The following FARP1 variants were observed in gnomAD, a reference collection of about 807,000 sequenced individuals.
FARP1 encodes FERM, ARHGEF and pleckstrin domain-containing protein 1.
A neutral mutation model predicts 128.8 loss-of-function variants in FARP1; 52 were observed. The ratio of observed to expected loss-of-function variants is 0.40; its 90% CI spans 0.32 to 0.51. The LOEUF is 0.51. Among genes scored for constraint, FARP1 ranks in the 20% least tolerant of loss-of-function variants. FARP1 has a pLI of 0.45. For synonymous variants in FARP1, 580 were observed against 551.8 expected (o/e 1.05, Z -0.72); for missense variants, 1,333 against 1,367.9 (o/e 0.97, Z 0.40).
At chr13:98,335,962 G>A (rs534918371) in intron 2 of FARP1, among the ~76,000 whole-genome samples, 2 of 152,216 alleles carry the variant, frequency 1.3e-5, no homozygotes, top group Admixed American at 6.5e-5. Context: ...TTCCCAAAAC[G>A]GCTCTCTGTA....
At chr13:98,403,043 G>T (rs1890835080) in intron 13 of FARP1, 1 of 150,690 alleles carries the variant, frequency 6.6e-6, no homozygotes, top group Non-Finnish European at 1.5e-5. Flanking sequence ...CTCAAAGCAT[G>T]GTGTAGCTTC....
chr13:98,448,712 TGCA>T lies in FARP1; in HGVS notation c.*396_*398del, dbSNP rs1219029800. On this transcript the variant is annotated 3_prime_UTR_variant, in exon 27 of 27. Transcript: ENST00000319562. ...TTTATTATTTTCACCTATTGGCTGC[TGCA>T]TTTTACGAAGTGGACTTCCCGGTGT... The T allele has an allele frequency of 1.2e-5, 2 of 163,018 alleles. No homozygotes were observed. Among genetic ancestry groups the T allele is most frequent in the African/African-American group, 4.9e-5 (2 of 40,834 alleles). The allele number at this position is 163,018 out of a possible 1,614,324, so 10.1% of individuals were successfully genotyped here.
At chr13:98,184,013 A>T (rs189279118) in intron 1 of FARP1, among the ~76,000 whole-genome samples, 1 of 152,240 alleles carries the variant, frequency 6.6e-6, no homozygotes, top group Non-Finnish European at 1.5e-5. Flanking sequence ...AATGACATCC[A>T]CATGGTTTCT....
intron 2 of FARP1, among the ~76,000 whole-genome samples, chr13:98,215,488 A>G (rs1446392371): frequency 6.6e-6 from 1 of 152,224 alleles, no homozygotes; most frequent in East Asian, 1.9e-4. Flanking sequence ...ACCTGTCTGT[A>G]TCGATAAAAT....
chr13:98,230,341 CAATCT>C (rs1882042501), intron 2 of FARP1, among the ~76,000 whole-genome samples: 1 of 152,192 alleles, frequency 6.6e-6, no homozygotes, highest in Non-Finnish European at 1.5e-5. Flanking sequence ...CACCCCAGTG[CAATCT>C]ATGTTTATTG....
intron 1 of FARP1, among the ~76,000 whole-genome samples, chr13:98,171,766 T>C (rs1220161436): frequency 6.6e-6 from 1 of 152,304 alleles, no homozygotes; most frequent in East Asian, 1.9e-4. Context: ...TAGTCTAATT[T>C]ATATGATTTG....
intron 24 of FARP1, among the ~76,000 whole-genome samples, chr13:98,443,300 GACC>G (rs976879928): frequency 2.0e-5 from 3 of 152,234 alleles, no homozygotes; most frequent in African/African-American, 4.8e-5. Flanking sequence ...AGGTGGCAGT[GACC>G]ACCTAGTACA....
intron 2 of FARP1, among the ~76,000 whole-genome samples, chr13:98,325,223 T>G (rs937054696): frequency 1.3e-5 from 2 of 151,758 alleles, no homozygotes; most frequent in Non-Finnish European, 2.9e-5. Context: ...AGCCTATCTT[T>G]CCATGAGTAT....
At chr13:98,288,586 T>C (rs1428483819) in intron 2 of FARP1, among the ~76,000 whole-genome samples, 1 of 152,216 alleles carries the variant, frequency 6.6e-6, no homozygotes, top group Non-Finnish European at 1.5e-5. Flanking sequence ...CTCCTTTAAA[T>C]AGATTCTGAG....
At chr13:98,407,552 C>T (rs1339101726) in intron 13 of FARP1, 1 of 151,946 alleles carries the variant, frequency 6.6e-6, no homozygotes, top group Non-Finnish European at 1.5e-5. Context: ...GTGATGGGGT[C>T]TTTGTCTAAC....
intron 2 of FARP1, among the ~76,000 whole-genome samples, chr13:98,220,110 G>C (rs566558194): frequency 2.9e-4 from 44 of 152,196 alleles, no homozygotes; most frequent in Admixed American, 4.6e-4. Flanking sequence ...GTCTTGAGGG[G>C]GCGGGGTCTA....
intron 1 of FARP1, among the ~76,000 whole-genome samples, chr13:98,201,435 C>T (rs553261377): frequency 2.3e-4 from 35 of 152,236 alleles, no homozygotes; most frequent in African/African-American, 3.9e-4. Context: ...GGTGACAGAG[C>T]GAGACCCTGC....
chr13:98,156,705 A>T (rs1251554348), intron 1 of FARP1, among the ~76,000 whole-genome samples: 2 of 151,850 alleles, frequency 1.3e-5, no homozygotes, highest in Admixed American at 1.3e-4. Flanking sequence ...GGCCCCCATT[A>T]TAATCTGGGT....
In FARP1 at chr13:98,409,588, T is replaced by TA. The variant is rs1891114611; in HGVS notation, c.1602+68dup. 3.5e-6 allele frequency: 5 copies of TA among 1,414,756 alleles called. No individual in the cohort carries two copies. The African/African-American group carries it at 5.7e-5, about 16-fold the overall frequency. The allele number at this position is 1,414,756 out of a possible 1,614,324, so 87.6% of individuals were successfully genotyped here. ...TGTGCACGTGTGTTTGTGTGAATTT[T>TA]AAAAATTGTACTAAAATATACATAA... On this transcript the variant is annotated intron_variant, in intron 14 of 26. Transcript: ENST00000319562.
intron 26 of FARP1, 43 bp downstream of exon 26, chr13:98,446,860 C>A: frequency 6.3e-7 from 1 of 1,593,678 alleles, no homozygotes; most frequent in Non-Finnish European, 8.6e-7. Context: ...CAGAAGAGGA[C>A]CCCCTCTTCC....
At chr13:98,225,603 C>G (rs1881711842) in intron 2 of FARP1, among the ~76,000 whole-genome samples, 1 of 152,202 alleles carries the variant, frequency 6.6e-6, no homozygotes, top group Non-Finnish European at 1.5e-5. Flanking sequence ...TGCCTTGTGT[C>G]TCTTTTGAAG....
intron 24 of FARP1, among the ~76,000 whole-genome samples, chr13:98,441,268 G>C (rs1196149121): frequency 1.3e-5 from 2 of 152,198 alleles, no homozygotes; most frequent in South Asian, 4.1e-4. Flanking sequence ...TGGCAAGCAG[G>C]TGCCAGCTCC....
At chr13:98,354,772 T>C (rs554077713) in intron 3 of FARP1, among the ~76,000 whole-genome samples, 1 of 152,302 alleles carries the variant, frequency 6.6e-6, no homozygotes, top group East Asian at 1.9e-4. Flanking sequence ...AAGAGAAGAA[T>C]TGTTAAACAG....
intron 7 of FARP1, 84 bp from the exon 8 acceptor site, chr13:98,385,583 C>T (rs575848012): frequency 5.5e-5 from 82 of 1,478,422 alleles, no homozygotes; most frequent in Admixed American, 5.0e-4. Flanking sequence ...TTTGTATTTC[C>T]CAGGAGAAGC....
Sources: allele counts gnomAD v4.1 joint callset (sites outside exome capture counted in the v4.1 genomes callset), GRCh38; gene constraint gnomAD v4.1.1; transcripts MANE v1.5; gene names NCBI Gene and HGNC (gene_info 2026-07-23, HGNC 2026-07-21).